The following CACNB4 variants were observed in gnomAD, a reference collection of about 807,000 sequenced individuals.
CACNB4 encodes calcium voltage-gated channel auxiliary subunit beta 4.
Under a neutral mutation model 71.2 loss-of-function variants are expected in CACNB4, and 32 were observed. The ratio of observed to expected loss-of-function variants is 0.45; its 90% CI spans 0.34 to 0.60. The LOEUF (loss-of-function observed/expected upper bound fraction) is 0.60, where lower values mean the gene tolerates loss of function less well. Ranked by LOEUF, CACNB4 falls within the 20% of genes least tolerant of loss-of-function variation. The probability of loss-of-function intolerance (pLI) is 0.01; values close to 1 mark genes in which losing one functional copy is unlikely to be tolerated. For missense variants in CACNB4, 464 were observed against 647.9 expected (o/e 0.72, Z 3.08); for synonymous variants, 231 against 236.9 (o/e 0.97, Z 0.23).
At chr2:152,058,126 C>T (rs1162436117) in intron 2 of CACNB4, among the ~76,000 whole-genome samples, 3 of 152,210 alleles carry the variant, frequency 2.0e-5, no homozygotes, top group Admixed American at 6.5e-5. Flanking sequence ...CCTTTGCCTT[C>T]CTCCATGACT....
At position 151,836,922 on chromosome 2, in the gene CACNB4, A is replaced by G. The variant is rs940792056; in HGVS notation, c.*2197T>C. On this transcript the variant is annotated 3_prime_UTR_variant, in exon 14 of 14. Transcript: ENST00000539935. ...AGTCTAAATTTGTACACCTTGGTGC[A>G]CTCTTTGCAATTAAATACTTTAATG... 1 of 151,830 alleles carries G rather than the reference A, an allele frequency of 6.6e-6. No individual in the cohort carries two copies. Among genetic ancestry groups the G allele is most frequent in the Admixed American group, 6.6e-5 (1 of 15,242 alleles). 9.4% of individuals were successfully genotyped at this position (151,830 alleles called of 1,614,324 possible).
At chr2:152,022,900 T>G (rs1258719374) in intron 2 of CACNB4, among the ~76,000 whole-genome samples, 1 of 152,216 alleles carries the variant, frequency 6.6e-6, no homozygotes, top group Non-Finnish European at 1.5e-5. Context: ...TGAGGTTGTT[T>G]GACAATATTT....
chr2:151,963,690 A>C (rs2099870239), intron 2 of CACNB4, among the ~76,000 whole-genome samples: 1 of 152,206 alleles, frequency 6.6e-6, no homozygotes, highest in Non-Finnish European at 1.5e-5. Flanking sequence ...TACGTCTTAA[A>C]ATGTGTTAAT....
chr2:152,097,725 C>G (rs1031938357), intron 2 of CACNB4, among the ~76,000 whole-genome samples: 16 of 152,152 alleles, frequency 1.1e-4, no homozygotes, highest in African/African-American at 3.1e-4. Flanking sequence ...CACCCAGACC[C>G]GGAGCTGAGT....
intron 12 of CACNB4, among the ~76,000 whole-genome samples, chr2:151,847,973 G>A (rs1428283450): frequency 6.6e-6 from 1 of 152,134 alleles, no homozygotes; most frequent in East Asian, 1.9e-4. Context: ...GTTAAAATGA[G>A]GGCAAAAAAT....
At chr2:152,005,522 G>A (rs1194725848) in intron 2 of CACNB4, among the ~76,000 whole-genome samples, 2 of 152,138 alleles carry the variant, frequency 1.3e-5, no homozygotes, top group East Asian at 1.9e-4. Context: ...GACTTCAAAA[G>A]GAGGGAGTGA....
intron 2 of CACNB4, among the ~76,000 whole-genome samples, chr2:152,021,966 G>C (rs1683690866): frequency 6.6e-6 from 1 of 152,152 alleles, no homozygotes; most frequent in Non-Finnish European, 1.5e-5. Flanking sequence ...CATTCAAGAA[G>C]TATAAGCGTC....
intron 2 of CACNB4, among the ~76,000 whole-genome samples, chr2:152,086,822 A>G (rs1687684876): frequency 6.6e-6 from 1 of 152,156 alleles, no homozygotes; most frequent in East Asian, 1.9e-4. Flanking sequence ...CAGGGGTTTG[A>G]TTTCCATGCA....
chr2:152,046,002 T>C (rs1685126324), intron 2 of CACNB4, among the ~76,000 whole-genome samples: 1 of 152,108 alleles, frequency 6.6e-6, no homozygotes, highest in African/African-American at 2.4e-5. Context: ...TGAGAATCAA[T>C]GGAAGGATGG....
intron 2 of CACNB4, among the ~76,000 whole-genome samples, chr2:151,884,681 G>T (rs1163758278): frequency 1.3e-5 from 2 of 148,642 alleles, no homozygotes; most frequent in Non-Finnish European, 3.0e-5. Context: ...CAGTCTGACT[G>T]ATGTGGCGAA....
chr2:151,888,590 T>C (rs930526315), intron 2 of CACNB4, among the ~76,000 whole-genome samples: 8 of 152,022 alleles, frequency 5.3e-5, no homozygotes, highest in Non-Finnish European at 1.2e-4. Context: ...TAAAATAAAA[T>C]GTGATCATAC....
intron 2 of CACNB4, among the ~76,000 whole-genome samples, chr2:152,059,631 C>T (rs1007762263): frequency 6.6e-6 from 1 of 152,182 alleles, no homozygotes; most frequent in Non-Finnish European, 1.5e-5. Flanking sequence ...GGCTCATAGG[C>T]AGAAGGGACT....
chr2:151,852,521 G>A (rs1178426071), intron 12 of CACNB4: 1 of 152,120 alleles, frequency 6.6e-6, no homozygotes, highest in East Asian at 1.9e-4. Flanking sequence ...TGTTCCTGGC[G>A]CTGTTCTAAC....
intron 2 of CACNB4, among the ~76,000 whole-genome samples, chr2:152,068,857 A>G (rs1280268847): frequency 6.6e-6 from 1 of 152,188 alleles, no homozygotes; most frequent in Non-Finnish European, 1.5e-5. Flanking sequence ...AGATGTTGAT[A>G]TCTTTGAGAT....
intron 2 of CACNB4, among the ~76,000 whole-genome samples, chr2:152,071,100 A>G (rs903838511): frequency 1.3e-5 from 2 of 152,240 alleles, no homozygotes; most frequent in African/African-American, 4.8e-5. Context: ...CACAGTTGCT[A>G]TATATCACAA....
At chr2:151,882,835 C>A (rs373639524) in intron 3 of CACNB4, among the ~76,000 whole-genome samples, 5 of 152,114 alleles carry the variant, frequency 3.3e-5, no homozygotes, top group African/African-American at 9.7e-5. Context: ...ATACTGAAAG[C>A]GAGAGAGAAG....
intron 2 of CACNB4, among the ~76,000 whole-genome samples, chr2:152,095,243 C>T (rs1187708859): frequency 6.6e-6 from 1 of 152,188 alleles, no homozygotes; most frequent in Non-Finnish European, 1.5e-5. Context: ...TGGAAGCAGG[C>T]TCTCTTTCTC....
chr2:151,914,238 T>A (rs973605557), intron 2 of CACNB4, among the ~76,000 whole-genome samples: 1 of 152,174 alleles, frequency 6.6e-6, no homozygotes, highest in Admixed American at 6.5e-5. Context: ...AATTCTGATA[T>A]CCTTTTTTCT....
At chr2:151,844,000 T>A (rs1300032338) in intron 12 of CACNB4, among the ~76,000 whole-genome samples, 2 of 152,220 alleles carry the variant, frequency 1.3e-5, no homozygotes, top group Non-Finnish European at 2.9e-5. Context: ...TCAGTCCAAA[T>A]GGACTCATGT....
Sources: gnomAD v4.1 joint callset for allele counts (sites outside exome capture counted in the v4.1 genomes callset) on GRCh38, gnomAD v4.1.1 for gene constraint, MANE v1.5 for transcripts, NCBI Gene and HGNC (gene_info 2026-07-23, HGNC 2026-07-21) for gene names.